The following USO1 variants were observed in gnomAD, a reference collection of about 807,000 sequenced individuals.
USO1 encodes the protein USO1 vesicle transport factor, also known as general vesicular transport factor p115.
In USO1, 57 loss-of-function variants were observed where a neutral mutation model predicts 124.5. That is an observed-to-expected ratio of 0.46 (90% confidence interval 0.37 to 0.57). USO1 has a LOEUF of 0.57. Among genes scored for constraint, USO1 ranks in the 20% least tolerant of loss-of-function variants. The probability of loss-of-function intolerance (pLI) is 0.00; values close to 1 mark genes in which losing one functional copy is unlikely to be tolerated. For synonymous variants in USO1, 369 were observed against 362.8 expected (o/e 1.02, Z -0.19); for missense variants, 900 against 1,040.6 (o/e 0.86, Z 1.86).
At chr4:75,732,559 G>A (rs1034696599) in intron 1 of USO1, among the ~76,000 whole-genome samples, 1 of 151,912 alleles carries the variant, frequency 6.6e-6, no homozygotes, top group African/African-American at 2.4e-5. Flanking sequence ...ATGACTATTA[G>A]CATGGATTAT....
At chr4:75,748,963 CAT>C (rs1560439592) in intron 1 of USO1, among the ~76,000 whole-genome samples, 1 of 151,370 alleles carries the variant, frequency 6.6e-6, no homozygotes, top group Non-Finnish European at 1.5e-5. Context: ...TATATATATA[CAT>C]ATATGTGTAT....
chr4:75,747,602 C>CTTTTTTTTTT (rs59636038), intron 1 of USO1, among the ~76,000 whole-genome samples: 2 of 83,684 alleles, frequency 2.4e-5, no homozygotes, highest in African/African-American at 5.5e-5. Context: ...TCACCTTTGA[C>CTTTTTTTTTT]TTTTTTTTTT....
At chr4:75,749,846 G>C (rs867819246) in intron 1 of USO1, among the ~76,000 whole-genome samples, 1 of 151,262 alleles carries the variant, frequency 6.6e-6, no homozygotes, top group South Asian at 2.1e-4. Context: ...TCCGCCTCTA[G>C]GTTCATGCCA....
At chr4:75,739,384 C>G (rs865894460) in intron 1 of USO1, among the ~76,000 whole-genome samples, 2 of 152,010 alleles carry the variant, frequency 1.3e-5, no homozygotes, top group South Asian at 2.1e-4. Flanking sequence ...GATGGTACAG[C>G]AGTGAAAAAT....
intron 10 of USO1, among the ~76,000 whole-genome samples, chr4:75,789,752 G>T (rs1490122380): frequency 6.6e-6 from 1 of 151,356 alleles, no homozygotes; most frequent in African/African-American, 2.4e-5. Flanking sequence ...CTTTAAATTT[G>T]TTCTTTGATT....
chr4:75,740,839 T>G (rs1720937393), intron 1 of USO1, among the ~76,000 whole-genome samples: 1 of 152,232 alleles, frequency 6.6e-6, no homozygotes, highest in Admixed American at 6.5e-5. Flanking sequence ...TAAAATTGCC[T>G]CTTTCTTCCT....
intron 12 of USO1, 85 bp downstream of exon 12, chr4:75,790,882 AG>A: frequency 1.4e-6 from 2 of 1,391,980 alleles, no homozygotes; most frequent in South Asian, 3.4e-5. Context: ...TTTATGCTTT[AG>A]CCTAAAATAC....
chr4:75,797,560 CAAAAA>C (rs34297170), intron 13 of USO1, among the ~76,000 whole-genome samples: 1 of 111,544 alleles, frequency 9.0e-6, no homozygotes, highest in Non-Finnish European at 1.8e-5. Context: ...GTTCCAGAAG[CAAAAA>C]AAAAAAAAAA....
At chr4:75,735,217 T>G (rs1308311631) in intron 1 of USO1, among the ~76,000 whole-genome samples, 1 of 152,128 alleles carries the variant, frequency 6.6e-6, no homozygotes, top group Non-Finnish European at 1.5e-5. Flanking sequence ...TGGGATTGCA[T>G]TCTTGATTTG....
At chr4:75,736,015 T>G (rs922831346) in intron 1 of USO1, among the ~76,000 whole-genome samples, 1 of 152,238 alleles carries the variant, frequency 6.6e-6, no homozygotes, top group Non-Finnish European at 1.5e-5. Context: ...ATGGATTGTT[T>G]GTCATTTTCA....
chr4:75,753,298 C>G (rs1338664732), intron 3 of USO1, among the ~76,000 whole-genome samples: 1 of 151,854 alleles, frequency 6.6e-6, no homozygotes, highest in African/African-American at 2.4e-5. Context: ...CTTTGGGAAG[C>G]CGAGGCAGGT....
intron 3 of USO1, among the ~76,000 whole-genome samples, chr4:75,754,560 T>TA (rs1553898561): frequency 6.6e-6 from 1 of 152,234 alleles, no homozygotes; most frequent in Non-Finnish European, 1.5e-5. Flanking sequence ...TCAAAGTTAA[T>TA]TTATCTCTGG....
At chr4:75,725,061 C>A (rs1422025059) in intron 1 of USO1, 176 bp downstream of exon 1, 1 of 689,922 alleles carries the variant, frequency 1.4e-6, no homozygotes, top group Non-Finnish European at 2.4e-6. Flanking sequence ...AATCACGCCC[C>A]CAGCTCAGTC....
In USO1 at chr4:75,813,422, T is replaced by A. The variant is rs1723206376; in HGVS notation, c.*127T>A. 9.5e-7 allele frequency: 1 copy of A among 1,057,234 alleles called. No homozygotes were observed. The highest frequency in any genetic ancestry group is 1.6e-5 in the African/African-American group (1 of 60,720). 65.5% of individuals were successfully genotyped at this position (1,057,234 alleles called of 1,614,324 possible). ...GGAAAACATTCACTATTAAGACTAT[T>A]GATATATTTTTGTAATGTTGCCACC... On this transcript the variant is annotated 3_prime_UTR_variant, in exon 24 of 24. Coordinates refer to ENST00000514213, the MANE Select transcript of USO1 (RefSeq NM_003715.4).
intron 8 of USO1, among the ~76,000 whole-genome samples, chr4:75,775,766 T>C (rs1327435264): frequency 6.6e-6 from 1 of 152,106 alleles, no homozygotes; most frequent in South Asian, 2.1e-4. Flanking sequence ...ATTCCACTTC[T>C]GTAGAGTGGA....
intron 4 of USO1, among the ~76,000 whole-genome samples, chr4:75,762,842 G>T (rs1219296153): frequency 6.6e-6 from 1 of 152,154 alleles, no homozygotes; most frequent in Non-Finnish European, 1.5e-5. Context: ...GCAGGAGAAT[G>T]GTGTGAACCT....
At chr4:75,734,518 A>T (rs1195651510) in intron 1 of USO1, among the ~76,000 whole-genome samples, 2 of 151,864 alleles carry the variant, frequency 1.3e-5, no homozygotes, top group East Asian at 1.9e-4. Context: ...TGTTTTGGTT[A>T]GTGTAGCTTT....
rs147046445 is a variant in USO1, at chr4:75,813,839, G to A, written c.*544G>A. 41 of 152,362 alleles carry A rather than the reference G, an allele frequency of 2.7e-4. No individual in the cohort carries two copies. The highest frequency in any genetic ancestry group is 9.1e-4 in the African/African-American group (38 of 41,562). 9.4% of individuals were successfully genotyped at this position (152,362 alleles called of 1,614,324 possible). A position where few individuals can be genotyped will look rare whatever the true frequency, so the allele number is the denominator to read the frequency against. Reference sequence around the variant, plus strand: ...TGCAGGATAGGACAGCTTAGAATGAGTGCCTTGACACCTACATATGGCTGC... The same window carrying A: ...TGCAGGATAGGACAGCTTAGAATGAATGCCTTGACACCTACATATGGCTGC... On this transcript the variant is annotated 3_prime_UTR_variant, in exon 24 of 24. Coordinates refer to ENST00000514213, the MANE Select transcript of USO1 (RefSeq NM_003715.4).
intron 19 of USO1, among the ~76,000 whole-genome samples, chr4:75,805,758 G>A (rs1722981601): frequency 6.6e-6 from 1 of 150,700 alleles, no homozygotes; most frequent in African/African-American, 2.4e-5. Flanking sequence ...GAGTCAAACT[G>A]TTTAAACTTC....
Sources: gnomAD v4.1 joint callset for allele counts (sites outside exome capture counted in the v4.1 genomes callset) on GRCh38, gnomAD v4.1.1 for gene constraint, MANE v1.5 for transcripts, NCBI Gene and HGNC (gene_info 2026-07-23, HGNC 2026-07-21) for gene names.